Variants in IRAK3 observed in about 807,000 individuals in gnomAD.
IRAK3 encodes the protein interleukin 1 receptor associated kinase 3.
Under a neutral mutation model 56.6 loss-of-function variants are expected in IRAK3, and 57 were observed. The observed-to-expected ratio is 1.01, with a 90% CI of 0.81 to 1.26. The LOEUF (loss-of-function observed/expected upper bound fraction) is 1.26. Ranked by LOEUF, IRAK3 falls within the 50% of genes most tolerant of loss-of-function variation. The pLI is 0.00. For missense variants in IRAK3, 703 were observed against 719.0 expected (o/e 0.98, Z 0.25); for synonymous variants, 258 against 255.7 (o/e 1.01, Z -0.09).
chr12:66,225,200 T>C (rs1385358156), intron 6 of IRAK3, among the ~76,000 whole-genome samples: 1 of 152,132 alleles, frequency 6.6e-6, no homozygotes, highest in Non-Finnish European at 1.5e-5. Flanking sequence ...TTATTTTAAG[T>C]TGCAGGAGAA....
intron 1 of IRAK3, among the ~76,000 whole-genome samples, chr12:66,191,118 GAGA>G (rs1301802702): frequency 1.3e-5 from 2 of 152,188 alleles, no homozygotes; most frequent in African/African-American, 4.8e-5. Context: ...AGGAGGGTGG[GAGA>G]AGAAGGCTTC....
At chr12:66,226,904 CG>C in intron 7 of IRAK3, 67 bp downstream of exon 7, 2 of 989,508 alleles carry the variant, frequency 2.0e-6, no homozygotes, top group Non-Finnish European at 3.2e-6. Flanking sequence ...CTGCTGAAAC[CG>C]TCTGGGAGAG....
chr12:66,251,696 T>C lies in IRAK3; in HGVS notation c.*3525T>C, dbSNP rs915117172. On this transcript the variant is annotated 3_prime_UTR_variant, in exon 12 of 12. Coordinates refer to ENST00000261233, the MANE Select transcript of IRAK3 (RefSeq NM_007199.3). The stretch of plus-strand genomic sequence containing the variant: ...TTTTATAGGGTGGCACATCACCCTG[T>C]GTAAAACAACTTTAATGACCTGAGG... 1 of 152,244 alleles carries C rather than the reference T, an allele frequency of 6.6e-6. No individual in the cohort carries two copies. The highest frequency in any genetic ancestry group is 2.4e-5 in the African/African-American group (1 of 41,472). 9.4% of individuals were successfully genotyped at this position (152,244 alleles called of 1,614,324 possible).
intron 1 of IRAK3, among the ~76,000 whole-genome samples, chr12:66,195,966 C>T (rs912919004): frequency 7.0e-6 from 1 of 142,166 alleles, no homozygotes; most frequent in African/African-American, 2.6e-5. Context: ...CATGGCCACT[C>T]TTTTAAAATT....
In IRAK3 at chr12:66,211,418, T is replaced by G. The variant is rs1369845373; in HGVS notation, c.437-28T>G. 3.3e-6 allele frequency: 5 copies of G among 1,536,680 alleles called. No individual in the cohort carries two copies. In the Admixed American group the frequency reaches 8.4e-5, roughly 26 times the overall value. Reference sequence around the variant, plus strand: ...ATGGTGATGTTCCTTCTTAGCTAACTTATCTTCCCCCTACTTTCCTTCCTA... The same window carrying G: ...ATGGTGATGTTCCTTCTTAGCTAACGTATCTTCCCCCTACTTTCCTTCCTA... On this transcript the variant is annotated intron_variant, in intron 4 of 11. Coordinates refer to ENST00000261233, the MANE Select transcript of IRAK3 (RefSeq NM_007199.3).
At chr12:66,214,575 G>A (rs932254089) in intron 5 of IRAK3, among the ~76,000 whole-genome samples, 3 of 86,210 alleles carry the variant, frequency 3.5e-5, no homozygotes, top group African/African-American at 8.6e-5. Context: ...AAAACCACCA[G>A]ACTGGAGGCA....
chr12:66,240,074 C>A (rs536960549), intron 8 of IRAK3, among the ~76,000 whole-genome samples: 1 of 152,244 alleles, frequency 6.6e-6, no homozygotes, highest in East Asian at 1.9e-4. Flanking sequence ...TGCAACCAAG[C>A]CTTTTGGGAT....
At position 66,217,321 on chromosome 12, in the gene IRAK3, C is replaced by T. The variant is rs145894317; in HGVS notation, c.653+86C>T. 27 of 979,564 alleles carry T rather than the reference C, an allele frequency of 2.8e-5. No individual in the cohort carries two copies. The highest frequency in any genetic ancestry group is 1.6e-4 in the African/African-American group (10 of 62,538). The allele number at this position is 979,564 out of a possible 1,614,324, so 60.7% of individuals were successfully genotyped here. On this transcript the variant is annotated intron_variant, in intron 6 of 11. Transcript: ENST00000261233. ...TTTTATTTTACAGCACAGAGCTTGG[C>T]GTGACATGTAATAAATTTGGGTTGG...
At chr12:66,201,667 C>T (rs979548862) in intron 1 of IRAK3, among the ~76,000 whole-genome samples, 1 of 152,176 alleles carries the variant, frequency 6.6e-6, no homozygotes, top group Non-Finnish European at 1.5e-5. Flanking sequence ...ATCAGGGCAC[C>T]ATAAAAACTC....
rs548062818 is a variant in IRAK3, at chr12:66,245,603, C to T, written c.1314+341C>T. ...CCCAGGCTGGAGTGCAGTGGCACGG[C>T]CCACTGCAACCTCCACCTCCCCAGT... is the stretch of plus-strand genomic sequence containing the variant. On this transcript the variant is annotated intron_variant, in intron 11 of 11. Transcript: ENST00000261233. Among the ~76,000 whole-genome samples, 49 of 77,632 alleles carry T rather than the reference C, an allele frequency of 6.3e-4. 1 individual carries two copies. The highest frequency in any genetic ancestry group is 1.8e-3 in the Admixed American group (8 of 4,454). 50.9% of individuals were successfully genotyped at this position (77,632 alleles called of 152,430 possible). A position where few individuals can be genotyped will look rare whatever the true frequency, so the allele number is the denominator to read the frequency against.
chr12:66,244,612 G>C lies in IRAK3; in HGVS notation c.1014G>C (p.Leu338=). Residue 338 remains leucine, a synonymous_variant, in exon 9 of 12, where the codon CTG becomes CTC. Transcript: ENST00000261233. ...TGACCAGCAGCAGCAGTAAACATCT[G>C]TGGTACATGCCAGAAGAGTACATCA... ...INMTSSSSKH[L]WYMPEEYIRQ... is the part of the protein sequence containing the mutation. 6.2e-7 allele frequency: 1 copy of C among 1,614,064 alleles called. No homozygotes were observed. The highest frequency in any genetic ancestry group is 2.2e-5 in the East Asian group (1 of 44,872).
chr12:66,244,146 C>T (rs917957298), intron 8 of IRAK3, among the ~76,000 whole-genome samples: 7 of 152,148 alleles, frequency 4.6e-5, no homozygotes, highest in African/African-American at 1.2e-4. Context: ...TCATGTTCTC[C>T]GTAAGTGTAA....
chr12:66,196,950 A>G (rs1331016384), intron 1 of IRAK3: 1 of 1,535,364 alleles, frequency 6.5e-7, no homozygotes, highest in Non-Finnish European at 8.7e-7. Context: ...TTGTATGCAA[A>G]TACAAAGATT....
chr12:66,250,347 T>C lies in IRAK3; in HGVS notation c.*2176T>C, dbSNP rs1186138113. On this transcript the variant is annotated 3_prime_UTR_variant, in exon 12 of 12. Coordinates refer to ENST00000261233, the MANE Select transcript of IRAK3 (RefSeq NM_007199.3). ...TTAATCATATTCACATTAGATTCCA[T>C]GTTGAAGAACAACTAATCAAAGAAG... is the stretch of plus-strand genomic sequence containing the variant. 1 of 152,192 alleles carries C rather than the reference T, an allele frequency of 6.6e-6. No individual in the cohort carries two copies. Among genetic ancestry groups the C allele is most frequent in the Non-Finnish European group, 1.5e-5 (1 of 68,032 alleles). 9.4% of individuals were successfully genotyped at this position (152,192 alleles called of 1,614,324 possible). A position where few individuals can be genotyped will look rare whatever the true frequency, so the allele number is the denominator to read the frequency against.
intron 6 of IRAK3, among the ~76,000 whole-genome samples, chr12:66,220,115 T>C (rs1255171441): frequency 2.6e-5 from 4 of 152,186 alleles, no homozygotes; most frequent in Admixed American, 2.6e-4. Flanking sequence ...AGCCAAAAAA[T>C]CATTGCCAAG....
intron 8 of IRAK3, among the ~76,000 whole-genome samples, chr12:66,229,195 T>G (rs757615316): frequency 1.3e-5 from 2 of 152,214 alleles, no homozygotes; most frequent in Non-Finnish European, 2.9e-5. Context: ...CTTTATATAT[T>G]AACCTATGAC....
intron 1 of IRAK3, chr12:66,196,912 T>C (rs774993084): frequency 1.0e-5 from 16 of 1,534,608 alleles, no homozygotes; most frequent in Non-Finnish European, 1.4e-5. Context: ...GAATGGAGTC[T>C]TAATTTTGCA....
chr12:66,196,625 C>A (rs2052455711), intron 1 of IRAK3, among the ~76,000 whole-genome samples: 1 of 152,114 alleles, frequency 6.6e-6, no homozygotes, highest in African/African-American at 2.4e-5. Flanking sequence ...AGTTATGAGT[C>A]CTACTCAGGC....
intron 1 of IRAK3, among the ~76,000 whole-genome samples, chr12:66,192,076 T>C (rs2052405078): frequency 6.6e-6 from 1 of 152,216 alleles, no homozygotes; most frequent in South Asian, 2.1e-4. Flanking sequence ...ATTCAGGAAG[T>C]CTGGGTTGAG....
Sources: allele counts gnomAD v4.1 joint callset (sites outside exome capture counted in the v4.1 genomes callset), GRCh38; gene constraint gnomAD v4.1.1; transcripts MANE v1.5; gene names NCBI Gene and HGNC (gene_info 2026-07-23, HGNC 2026-07-21).